LRRTM1: variants seen among roughly 807,000 people sequenced by gnomAD.
LRRTM1 encodes the protein leucine-rich repeat transmembrane neuronal protein 1.
LRRTM1 carries 8 observed loss-of-function variants against 37.3 expected under a neutral mutation model. The observed-to-expected ratio is 0.21, with a 90% CI of 0.13 to 0.39. LRRTM1 has a LOEUF of 0.39. LRRTM1 is among the 10% of genes least tolerant of loss of function. LRRTM1 has a pLI of 1.00. For missense variants in LRRTM1, 557 were observed against 691.0 expected, an observed-to-expected ratio of 0.81 and a Z score of 2.17; for synonymous variants, 326 against 316.8, an observed-to-expected ratio of 1.03 and a Z score of -0.31.
chr2:80,297,995 A>G (rs930687538), downstream of LRRTM1, among the ~76,000 whole-genome samples: 13 of 150,776 alleles, frequency 8.6e-5, no homozygotes, highest in African/African-American at 2.9e-4. Context: ...GTGGTTATAT[A>G]TGTGTGTGTG....
intron 2 of LRRTM1, among the ~76,000 whole-genome samples, chr2:80,291,635 T>C (rs971861277): frequency 1.3e-5 from 2 of 152,328 alleles, no homozygotes; most frequent in Admixed American, 6.5e-5. Context: ...TGATTTAATA[T>C]TGCCAATATT....
rs775555270 is a variant in LRRTM1, at chr2:80,302,240, C to T, written c.*11G>A. 5 of 1,608,998 alleles carry T rather than the reference C, an allele frequency of 3.1e-6. No homozygotes were observed. The highest frequency in any genetic ancestry group is 4.2e-6 in the Non-Finnish European group (5 of 1,177,720). On this transcript the variant is annotated 3_prime_UTR_variant, in exon 2 of 2. Transcript: ENST00000295057. The surrounding 1 kb of genome is among the most constrained non-coding windows in gnomAD (Gnocchi z 6.4). ...ATTTGGTAGCGCATGGGTTGAGAGC[C>T]ACTGGGACAATCACACCTCGCATTC...
chr2:80,294,902 C>T (rs2149188252), intron 2 of LRRTM1, among the ~76,000 whole-genome samples: 1 of 152,262 alleles, frequency 6.6e-6, no homozygotes. Context: ...AAATAGCTAA[C>T]CTGGTGGACC....
In LRRTM1 at chr2:80,304,252, C is replaced by T. The variant is rs1285482267; in HGVS notation, c.-160G>A. 7.0e-5 allele frequency: 11 copies of T among 156,124 alleles called. No individual in the cohort carries two copies. The highest frequency in any genetic ancestry group is 2.8e-5 in the Non-Finnish European group (2 of 70,608). The allele number at this position is 156,124 out of a possible 1,614,324, so 9.7% of individuals were successfully genotyped here. On this transcript the variant is annotated 5_prime_UTR_variant, in exon 1 of 2. Coordinates refer to ENST00000295057, the MANE Select transcript of LRRTM1 (RefSeq NM_178839.5). Reference sequence around the variant, plus strand: ...GACCCCTCTGTGTTTCCGAGGCAGCCCCGGTCCGCGGCCGGCGGATCTGGC... The same window carrying T: ...GACCCCTCTGTGTTTCCGAGGCAGCTCCGGTCCGCGGCCGGCGGATCTGGC...
At chr2:80,297,932 T>C (rs190722689), downstream of LRRTM1, among the ~76,000 whole-genome samples, 106 of 152,192 alleles carry the variant, frequency 7.0e-4, no homozygotes, top group African/African-American at 2.3e-3. Context: ...TGATTAGTGC[T>C]AGAAGGTAGT....
In LRRTM1 at chr2:80,302,536, C is replaced by T. The variant is rs201325455; in HGVS notation, c.1284G>A (p.Val428=). The change falls in exon 2 of 2, where the codon GTG becomes GTA. Residue 428 remains valine (V), a synonymous_variant. Transcript: ENST00000295057. This position sits in a 1 kb window ranked among gnomAD's most constrained non-coding sequence, Gnocchi z 6.4. ...HAENAVQIHK[V]VTGTMALIFS... is the part of the protein sequence containing the mutation. ...AGATGAGGGCCATGGTGCCCGTGACCACCTTGTGGATCTGCACGGCGTTCT... is the reference window on the plus strand; with the variant it reads ...AGATGAGGGCCATGGTGCCCGTGACTACCTTGTGGATCTGCACGGCGTTCT... 1.7e-5 allele frequency: 28 copies of T among 1,611,410 alleles called. No individual in the cohort carries two copies. In the Admixed American group the frequency reaches 4.0e-4, roughly 23 times the overall value.
chr2:80,302,168 G>A lies in LRRTM1; in HGVS notation c.*83C>T. The A allele has an allele frequency of 6.6e-7, 1 of 1,522,992 alleles. No individual in the cohort carries two copies. The highest frequency in any genetic ancestry group is 8.8e-7 in the Non-Finnish European group (1 of 1,132,146). The allele number at this position is 1,522,992 out of a possible 1,614,324, so 94.3% of individuals were successfully genotyped here. On this transcript the variant is annotated 3_prime_UTR_variant, in exon 2 of 2. Transcript: ENST00000295057. The surrounding 1 kb of genome is among the most constrained non-coding windows in gnomAD (Gnocchi z 6.4). The stretch of plus-strand genomic sequence containing the variant: ...AGGAGCATATCAGAGCACAGACAAG[G>A]AGACCCCAGCCTGGTGCCCGCCGGC...
At chr2:80,298,699 T>C (rs1558980028), downstream of LRRTM1, 1 of 152,170 alleles carries the variant, frequency 6.6e-6, no homozygotes, top group East Asian at 1.9e-4. Flanking sequence ...AGAGAAAAGG[T>C]TGGGGGCTCT....
At position 80,303,721 on chromosome 2, in the gene LRRTM1, G is replaced by A. The variant is rs200387230; in HGVS notation, c.99C>T (p.Pro33=). The A allele has an allele frequency of 1.2e-6, 2 of 1,606,332 alleles. No homozygotes were observed. The highest frequency in any genetic ancestry group is 1.7e-5 in the Admixed American group (1 of 59,528). The change falls in exon 2 of 2, where the codon CCC becomes CCT. Residue 33 remains proline (P), a synonymous_variant. Coordinates refer to ENST00000295057, the MANE Select transcript of LRRTM1 (RefSeq NM_178839.5). This position sits in a 1 kb window ranked among gnomAD's most constrained non-coding sequence, Gnocchi z 7.7. ...CLLGACFQML[P]AAPSGCPQLC... ...GCTGCGGGCACCCGCTGGGGGCGGCGGGCAGCATCTGAAAGCAGGCCCCCA... is the reference window on the plus strand; with the variant it reads ...GCTGCGGGCACCCGCTGGGGGCGGCAGGCAGCATCTGAAAGCAGGCCCCCA...
At chr2:80,295,016 CCTCT>C (rs1675615925) in intron 2 of LRRTM1, among the ~76,000 whole-genome samples, 1 of 152,032 alleles carries the variant, frequency 6.6e-6, no homozygotes, top group South Asian at 2.1e-4. Flanking sequence ...CTCTCCTCTT[CCTCT>C]CTTTTTCTTT....
At chr2:80,294,891 C>A (rs943581236) in intron 2 of LRRTM1, among the ~76,000 whole-genome samples, 3 of 152,138 alleles carry the variant, frequency 2.0e-5, no homozygotes, top group African/African-American at 7.2e-5. Context: ...TGAGAACAGA[C>A]AAATAGCTAA....
At chr2:80,299,376 C>G (rs1011616408), downstream of LRRTM1, 2 of 152,102 alleles carry the variant, frequency 1.3e-5, no homozygotes, top group African/African-American at 2.4e-5. Flanking sequence ...CACCTCCCCC[C>G]ACCAATCTCC....
chr2:80,302,234 G>A lies in LRRTM1; in HGVS notation c.*17C>T. ...AGGCGTATTTGGTAGCGCATGGGTT[G>A]AGAGCCACTGGGACAATCACACCTC... On this transcript the variant is annotated 3_prime_UTR_variant, in exon 2 of 2. Coordinates refer to ENST00000295057, the MANE Select transcript of LRRTM1 (RefSeq NM_178839.5). The surrounding 1 kb of genome is among the most constrained non-coding windows in gnomAD (Gnocchi z 6.4). 6.2e-7 allele frequency: 1 copy of A among 1,606,412 alleles called. No individual in the cohort carries two copies. Among genetic ancestry groups the A allele is most frequent in the Non-Finnish European group, 8.5e-7 (1 of 1,176,436 alleles).
At position 80,303,311 on chromosome 2, in the gene LRRTM1, G is replaced by C; in HGVS notation, c.509C>G (p.Ala170Gly). Residue 170 changes from alanine (A) to glycine (G), a missense_variant, in exon 2 of 2, where the codon GCC (alanine) becomes GGC (glycine). Around this residue, in one of 5 missense-constraint regions of LRRTM1, gnomAD observed 200 missense variants for 249.9 expected, o/e 0.80. Transcript: ENST00000295057. This position sits in a 1 kb window ranked among gnomAD's most constrained non-coding sequence, Gnocchi z 7.7. ...CACGGGCACAAACTGGATGGCGTTG[G>C]CCCGCATATGCAGCGTGGTGAGCTT... is the stretch of plus-strand genomic sequence containing the variant. ...LRKLTTLHMR[A>G]NAIQFVPVRI... 2 of 1,613,702 alleles carry C rather than the reference G, an allele frequency of 1.2e-6. No individual in the cohort carries two copies. The highest frequency in any genetic ancestry group is 1.7e-6 in the Non-Finnish European group (2 of 1,180,038).
At position 80,302,149 on chromosome 2, in the gene LRRTM1, A is replaced by G. The variant is rs1676379408; in HGVS notation, c.*102T>C. 4 of 1,413,312 alleles carry G rather than the reference A, an allele frequency of 2.8e-6. No homozygotes were observed. The highest frequency in any genetic ancestry group is 2.4e-5 in the East Asian group (1 of 42,432). The allele number at this position is 1,413,312 out of a possible 1,614,324, so 87.5% of individuals were successfully genotyped here. A position where few individuals can be genotyped will look rare whatever the true frequency, so the allele number is the denominator to read the frequency against. On this transcript the variant is annotated 3_prime_UTR_variant, in exon 2 of 2. Transcript: ENST00000295057. This position sits in a 1 kb window ranked among gnomAD's most constrained non-coding sequence, Gnocchi z 6.4. ...CCCCTTAAAGTTTCAGTCAAGGAGC[A>G]TATCAGAGCACAGACAAGGAGACCC...
chr2:80,297,791 C>A (rs1293226053), downstream of LRRTM1, among the ~76,000 whole-genome samples: 1 of 152,262 alleles, frequency 6.6e-6, no homozygotes, highest in South Asian at 2.1e-4. Flanking sequence ...GCCTGCAAAG[C>A]GTCTACCTAC....
downstream of LRRTM1, among the ~76,000 whole-genome samples, chr2:80,297,357 C>T (rs181026584): frequency 2.8e-4 from 43 of 152,274 alleles, no homozygotes; most frequent in East Asian, 6.6e-3. Context: ...CACAATGTAC[C>T]TGACTTCTGT....
Position 80,303,565 on chromosome 2 carries a change from G to A in LRRTM1, c.255C>T (p.Phe85=), listed in dbSNP as rs764453069. Residue 85 remains phenylalanine (F), a synonymous_variant, in exon 2 of 2, where the codon TTC becomes TTT. Transcript: ENST00000295057. This position sits in a 1 kb window ranked among gnomAD's most constrained non-coding sequence, Gnocchi z 7.7. ...NSLSELRAGQ[F]TGLMQLTWLY... ...GCCACGTGAGCTGCATTAACCCCGT[G>A]AACTGGCCGGCGCGCAGCTCCGAGA... 6 of 1,614,128 alleles carry A rather than the reference G, an allele frequency of 3.7e-6. No homozygotes were observed. The highest frequency in any genetic ancestry group is 1.7e-5 in the Admixed American group (1 of 60,014).
chr2:80,297,372 C>T (rs1675840606), downstream of LRRTM1, among the ~76,000 whole-genome samples: 1 of 152,166 alleles, frequency 6.6e-6, no homozygotes, highest in African/African-American at 2.4e-5. Context: ...TTCTGTAAGC[C>T]TCAGGTTCTT....
Sources: allele counts gnomAD v4.1 joint callset (sites outside exome capture counted in the v4.1 genomes callset), GRCh38; gene constraint gnomAD v4.1.1; regional missense constraint gnomAD v4.1.1; non-coding constraint Gnocchi (gnomAD v3.1); transcripts MANE v1.5; gene names NCBI Gene and HGNC (gene_info 2026-07-23, HGNC 2026-07-21).